CFAP299: variants seen among roughly 807,000 people sequenced by gnomAD.
CFAP299 encodes the protein cilia- and flagella-associated protein 299.
CFAP299 carries 21 observed loss-of-function variants against 27.0 expected under a neutral mutation model. The ratio of observed to expected loss-of-function variants is 0.78; its 90% confidence interval spans 0.55 to 1.12. The LOEUF (loss-of-function observed/expected upper bound fraction) is 1.12, where lower values mean the gene tolerates loss of function less well. Among genes scored for constraint, CFAP299 ranks in the 50% most tolerant of loss-of-function variants. The probability of loss-of-function intolerance (pLI) is 0.00; values close to 1 mark genes in which losing one functional copy is unlikely to be tolerated. For missense variants in CFAP299, 310 were observed against 276.6 expected, an observed-to-expected ratio of 1.12 and a Z score of -0.86; for synonymous variants, 104 against 98.1, an observed-to-expected ratio of 1.06 and a Z score of -0.36.
rs575349635 is a variant in CFAP299 at position 80,635,728 on chromosome 4, AG to A, written c.333+52547del. Among the ~76,000 whole-genome samples the A allele has an allele frequency of 5.6e-4, 85 of 152,308 alleles. 1 individual carries two copies. The highest frequency in any genetic ancestry group is 1.9e-3 in the African/African-American group (78 of 41,588). The stretch of plus-strand genomic sequence containing the variant: ...TCACAGCAGTCCTTAGATTCCTCCC[AG>A]GTGTTACACCAGGAATTTGGTAGAA... On this transcript the variant is annotated intron_variant, in intron 3 of 5. Transcript: ENST00000358105.
intron 4 of CFAP299, among the ~76,000 whole-genome samples, chr4:80,896,969 G>T (rs1279633778): frequency 6.6e-6 from 1 of 152,112 alleles, no homozygotes; most frequent in Non-Finnish European, 1.5e-5. Context: ...ACTGCTGTAA[G>T]AAAATAATTC....
intron 2 of CFAP299, among the ~76,000 whole-genome samples, chr4:80,438,522 G>A (rs770030643): frequency 1.8e-4 from 28 of 152,160 alleles, no homozygotes; most frequent in Non-Finnish European, 3.2e-4. Context: ...GACAATTTGA[G>A]TAACTTTTTC....
chr4:80,927,542 C>G (rs1736367628), intron 4 of CFAP299, among the ~76,000 whole-genome samples: 1 of 152,100 alleles, frequency 6.6e-6, no homozygotes, highest in Non-Finnish European at 1.5e-5. Context: ...TGGCTGGATT[C>G]TCAGTTCAGG....
At chr4:80,380,577 G>T (rs1205565885) in intron 2 of CFAP299, among the ~76,000 whole-genome samples, 1 of 151,920 alleles carries the variant, frequency 6.6e-6, no homozygotes, top group African/African-American at 2.4e-5. Flanking sequence ...ACAGGTGCAT[G>T]CCACCACACC....
At chr4:80,934,055 G>C (rs1479937971) in intron 4 of CFAP299, among the ~76,000 whole-genome samples, 2 of 152,064 alleles carry the variant, frequency 1.3e-5, no homozygotes, top group African/African-American at 4.8e-5. Context: ...TATGATGCTA[G>C]CTGTAGATTT....
chr4:80,945,648 T>C (rs566957208), intron 5 of CFAP299, among the ~76,000 whole-genome samples: 2 of 152,254 alleles, frequency 1.3e-5, no homozygotes, highest in Non-Finnish European at 2.9e-5. Flanking sequence ...ATTATTCACA[T>C]GAAAGTGTCA....
intron 2 of CFAP299, among the ~76,000 whole-genome samples, chr4:80,548,586 T>C (rs962608897): frequency 2.0e-5 from 3 of 152,154 alleles, no homozygotes; most frequent in African/African-American, 7.2e-5. Flanking sequence ...AATATCTGCC[T>C]ACATAACAGA....
rs757738845 is a variant in CFAP299, at chr4:80,335,897, C to T, written c.111+18C>T. 59 of 1,493,476 alleles carry T rather than the reference C, an allele frequency of 4.0e-5. No individual in the cohort carries two copies. The South Asian group carries it at 6.4e-4, about 16-fold the overall frequency. The allele number at this position is 1,493,476 out of a possible 1,614,324, so 92.5% of individuals were successfully genotyped here. ...ACCTGGAGGTAAGGGCGGAGCGCGG[C>T]AGAGTAGCCGCCGCCGCGCGTCCCT... On this transcript the variant is annotated intron_variant, in intron 1 of 5. Coordinates refer to ENST00000358105, the MANE Select transcript of CFAP299 (RefSeq NM_152770.3).
At chr4:80,769,148 A>G (rs1229421748) in intron 3 of CFAP299, among the ~76,000 whole-genome samples, 1 of 152,206 alleles carries the variant, frequency 6.6e-6, no homozygotes, top group Non-Finnish European at 1.5e-5. Context: ...CTTTTCTTGG[A>G]AATAATGATA....
chr4:80,451,728 G>A (rs943670426), intron 2 of CFAP299, among the ~76,000 whole-genome samples: 4 of 152,122 alleles, frequency 2.6e-5, no homozygotes, highest in African/African-American at 9.7e-5. Flanking sequence ...ATGATAGATG[G>A]GTTAGATTAA....
At chr4:80,792,976 G>A (rs991902818) in intron 3 of CFAP299, among the ~76,000 whole-genome samples, 1 of 151,864 alleles carries the variant, frequency 6.6e-6, no homozygotes, top group South Asian at 2.1e-4. Flanking sequence ...GTGCAACAAT[G>A]GAAACAATGA....
intron 2 of CFAP299, chr4:80,387,590 C>T (rs1445628251): frequency 6.1e-6 from 7 of 1,154,814 alleles, no homozygotes; most frequent in Middle Eastern, 1.9e-4. Context: ...AAGACCTGTA[C>T]AGTCACAGAG....
chr4:80,776,796 A>G (rs1726568814), intron 3 of CFAP299, among the ~76,000 whole-genome samples: 1 of 152,032 alleles, frequency 6.6e-6, no homozygotes, highest in African/African-American at 2.4e-5. Context: ...GAGGTAGCCA[A>G]TTACATTTTC....
intron 4 of CFAP299, chr4:80,870,931 G>T (rs751375438): frequency 1.1e-4 from 101 of 960,250 alleles, no homozygotes; most frequent in Non-Finnish European, 1.2e-4. Context: ...TTTTGAGATG[G>T]AGTCTCGCTC....
At chr4:80,552,382 C>T (rs997176728) in intron 2 of CFAP299, among the ~76,000 whole-genome samples, 1 of 152,080 alleles carries the variant, frequency 6.6e-6, no homozygotes, top group Non-Finnish European at 1.5e-5. Flanking sequence ...TCCGTGGCCT[C>T]GACCTGTTAA....
At chr4:80,410,762 C>T (rs1053736163) in intron 2 of CFAP299, among the ~76,000 whole-genome samples, 10 of 152,098 alleles carry the variant, frequency 6.6e-5, no homozygotes, top group Admixed American at 2.6e-4. Flanking sequence ...TCACAGATAA[C>T]GAAATAGACT....
intron 3 of CFAP299, among the ~76,000 whole-genome samples, chr4:80,764,395 G>A (rs1381667024): frequency 6.6e-6 from 1 of 152,160 alleles, no homozygotes; most frequent in African/African-American, 2.4e-5. Context: ...ACCACAACGA[G>A]ATACCATCTC....
intron 2 of CFAP299, among the ~76,000 whole-genome samples, chr4:80,542,767 A>G (rs1253012382): frequency 6.6e-6 from 1 of 151,730 alleles, no homozygotes; most frequent in East Asian, 1.9e-4. Flanking sequence ...AGAGGCCACT[A>G]CCATACCACT....
intron 3 of CFAP299, among the ~76,000 whole-genome samples, chr4:80,663,755 G>C (rs1258359561): frequency 6.6e-6 from 1 of 152,172 alleles, no homozygotes; most frequent in Non-Finnish European, 1.5e-5. Context: ...CCCACCAACA[G>C]TGTAAAACCT....
Sources: gnomAD v4.1 joint callset for allele counts (sites outside exome capture counted in the v4.1 genomes callset) on GRCh38, gnomAD v4.1.1 for gene constraint, MANE v1.5 for transcripts, NCBI Gene and HGNC (gene_info 2026-07-23, HGNC 2026-07-21) for gene names.